ANKRD31: variants seen among roughly 807,000 people sequenced by gnomAD.
ANKRD31 encodes ankyrin repeat domain 31, also known as ankyrin repeat domain-containing protein 31.
ANKRD31 carries 147 observed loss-of-function variants against 186.0 expected under a neutral mutation model. The ratio of observed to expected loss-of-function variants is 0.79; its 90% CI spans 0.69 to 0.91. The LOEUF is 0.91. Ranked by LOEUF, ANKRD31 falls within the 40% of genes least tolerant of loss-of-function variation. The probability of loss-of-function intolerance (pLI) is 0.00; values close to 1 mark genes in which losing one functional copy is unlikely to be tolerated. For synonymous variants in ANKRD31, 673 were observed against 736.4 expected, an observed-to-expected ratio of 0.91 and a Z score of 1.39; for missense variants, 1,986 against 2,148.8, an observed-to-expected ratio of 0.92 and a Z score of 1.50.
intron 22 of ANKRD31, among the ~76,000 whole-genome samples, chr5:75,097,861 C>T (rs1746460159): frequency 6.6e-6 from 1 of 152,148 alleles, no homozygotes; most frequent in African/African-American, 2.4e-5. Context: ...GATCCAGTTT[C>T]AGTTTTCTAT....
chr5:75,083,620 C>T (rs986882077), intron 24 of ANKRD31, among the ~76,000 whole-genome samples: 1 of 151,990 alleles, frequency 6.6e-6, no homozygotes, highest in Non-Finnish European at 1.5e-5. Flanking sequence ...ATCCCAGCTA[C>T]TCGGGAGGCT....
At position 75,115,051 on chromosome 5, in the gene ANKRD31, A is replaced by G. The variant is rs541983681; in HGVS notation, c.4155+1515T>C. Among the ~76,000 whole-genome samples, 723 of 152,218 alleles carry G rather than the reference A, an allele frequency of 4.7e-3. 12 individuals carry two copies. The highest frequency in any genetic ancestry group is 0.017 in the African/African-American group (693 of 41,510). Reference sequence around the variant, plus strand: ...ACCAAAACAGCATGGTATTGGTACCAAAACAGAGATATAGATCAATGGAAC... The same window carrying G: ...ACCAAAACAGCATGGTATTGGTACCGAAACAGAGATATAGATCAATGGAAC... On this transcript the variant is annotated intron_variant, in intron 19 of 25. Transcript: ENST00000506364.
chr5:75,071,762 T>G (rs1041150097), intron 25 of ANKRD31, among the ~76,000 whole-genome samples: 5 of 152,056 alleles, frequency 3.3e-5, no homozygotes, highest in African/African-American at 1.2e-4. Flanking sequence ...CCTCCCAAAG[T>G]GCTCGGATTA....
intron 9 of ANKRD31, among the ~76,000 whole-genome samples, chr5:75,191,496 T>A (rs1303732016): frequency 2.0e-5 from 3 of 152,116 alleles, no homozygotes; most frequent in Non-Finnish European, 4.4e-5. Flanking sequence ...CATATTTACT[T>A]TTCTAGGTGA....
At chr5:75,143,773 T>C (rs1431164704) in intron 15 of ANKRD31, among the ~76,000 whole-genome samples, 1 of 152,152 alleles carries the variant, frequency 6.6e-6, no homozygotes, top group Non-Finnish European at 1.5e-5. Flanking sequence ...TCTCCTCTAA[T>C]ATAATAAACT....
At chr5:75,098,983 G>T (rs1228181877) in intron 22 of ANKRD31, among the ~76,000 whole-genome samples, 3 of 152,212 alleles carry the variant, frequency 2.0e-5, no homozygotes, top group Non-Finnish European at 4.4e-5. Context: ...TAGGAGTGGT[G>T]AGAGAGGGCA....
chr5:75,121,231 G>T (rs939938666), intron 17 of ANKRD31, among the ~76,000 whole-genome samples: 5 of 150,712 alleles, frequency 3.3e-5, no homozygotes, highest in Non-Finnish European at 7.4e-5. Context: ...AATGATAAAG[G>T]GTGATATCAA....
intron 2 of ANKRD31, among the ~76,000 whole-genome samples, chr5:75,227,319 G>C (rs1757690999): frequency 6.6e-6 from 1 of 151,774 alleles, no homozygotes; most frequent in South Asian, 2.1e-4. Context: ...ATGGTTAATG[G>C]GCACAAAAAA....
chr5:75,179,975 T>C (rs1027900835), intron 10 of ANKRD31, among the ~76,000 whole-genome samples: 11 of 152,178 alleles, frequency 7.2e-5, no homozygotes, highest in African/African-American at 2.2e-4. Context: ...ATTGTATATA[T>C]AGAAAACCCC....
Position 75,146,354 on chromosome 5 carries a change from A to G in ANKRD31, c.3057T>C (p.His1019=), listed in dbSNP as rs1027727340. The change falls in exon 14 of 26, where the codon CAT becomes CAC. Residue 1019 remains histidine, a synonymous_variant. Transcript: ENST00000506364. ...SLACMRTLLT[H]EASKLTNHVE... ...CATGATTAGTCAACTTTGAAGCCTCATGTGTCAAAAGTGTTCTCATACAAG... is the reference window on the plus strand; with the variant it reads ...CATGATTAGTCAACTTTGAAGCCTCGTGTGTCAAAAGTGTTCTCATACAAG... The G allele has an allele frequency of 2.6e-6, 4 of 1,536,606 alleles. No individual in the cohort carries two copies. Among genetic ancestry groups the G allele is most frequent in the Middle Eastern group, 1.7e-4 (1 of 5,980 alleles).
chr5:75,195,072 A>C (rs1171287370), intron 7 of ANKRD31, among the ~76,000 whole-genome samples: 7 of 152,204 alleles, frequency 4.6e-5, no homozygotes, highest in Non-Finnish European at 8.8e-5. Context: ...CAGGCATAAT[A>C]CTACAAGAAT....
rs996652249 is a variant in ANKRD31 at position 75,236,792 on chromosome 5, A to G, written c.-106T>C. The G allele has an allele frequency of 3.2e-6, 3 of 930,712 alleles. No homozygotes were observed. Among genetic ancestry groups the G allele is most frequent in the Non-Finnish European group, 4.7e-6 (3 of 639,414 alleles). 57.7% of individuals were successfully genotyped at this position (930,712 alleles called of 1,614,324 possible). On this transcript the variant is annotated 5_prime_UTR_variant, in exon 1 of 26. Transcript: ENST00000506364. The stretch of plus-strand genomic sequence containing the variant: ...GGGAAATTGTGAATTAAAAATAAAA[A>G]TAATATAATCGCAGCAGGAGCCGGG...
At chr5:75,131,880 G>A (rs1287409584) in intron 17 of ANKRD31, among the ~76,000 whole-genome samples, 1 of 152,152 alleles carries the variant, frequency 6.6e-6, no homozygotes, top group Non-Finnish European at 1.5e-5. Context: ...GCCTCCGCTG[G>A]TGATACCCAG....
rs1376742031 is a variant in ANKRD31, at chr5:75,206,445, C to T, written c.369G>A (p.Gln123=). 3.4e-5 allele frequency: 50 copies of T among 1,485,508 alleles called. No homozygotes were observed. Among genetic ancestry groups the T allele is most frequent in the Non-Finnish European group, 4.0e-5 (45 of 1,125,126 alleles). The allele number at this position is 1,485,508 out of a possible 1,614,324, so 92.0% of individuals were successfully genotyped here. Residue 123 remains glutamine (Q), a synonymous_variant, in exon 5 of 26, where the codon CAG becomes CAA. Coordinates refer to ENST00000506364, the MANE Select transcript of ANKRD31 (RefSeq NM_001372053.1). The part of the protein sequence containing the change: ...NCSMFIGSFR[Q]SGLSLNHQNI... Reference sequence around the variant, plus strand: ...TTTGGTGGTTCAATGAAAGTCCAGACTGGCGAAACGACCCAATGAACATTG... The same window carrying T: ...TTTGGTGGTTCAATGAAAGTCCAGATTGGCGAAACGACCCAATGAACATTG...
At chr5:75,109,867 A>C (rs920125483) in intron 20 of ANKRD31, among the ~76,000 whole-genome samples, 1 of 152,174 alleles carries the variant, frequency 6.6e-6, no homozygotes, top group Non-Finnish European at 1.5e-5. Context: ...CTGAGAGGGC[A>C]CAGGGAAAGG....
chr5:75,080,246 T>C (rs1477478717), intron 25 of ANKRD31, among the ~76,000 whole-genome samples: 1 of 152,136 alleles, frequency 6.6e-6, no homozygotes, highest in Non-Finnish European at 1.5e-5. Context: ...TCAAAGTAAA[T>C]CCAGTTTTAA....
At chr5:75,123,576 T>C (rs944060889) in intron 17 of ANKRD31, among the ~76,000 whole-genome samples, 5 of 152,054 alleles carry the variant, frequency 3.3e-5, no homozygotes, top group Admixed American at 6.6e-5. Context: ...AGCATGGTAC[T>C]GGCATAAAAA....
chr5:75,175,225 G>A lies in ANKRD31; in HGVS notation c.1565-6104C>T, dbSNP rs184896383. Among the ~76,000 whole-genome samples, 165 of 152,278 alleles carry A rather than the reference G, an allele frequency of 1.1e-3. 1 individual carries two copies. Among genetic ancestry groups the A allele is most frequent in the African/African-American group, 3.4e-3 (143 of 41,570 alleles). On this transcript the variant is annotated intron_variant, in intron 10 of 25. Coordinates refer to ENST00000506364, the MANE Select transcript of ANKRD31 (RefSeq NM_001372053.1). ...CGGGGAACATCACACACTGAGGCCT[G>A]TCGGGTCGGGCAGTTGCCTGGGGGA...
chr5:75,185,028 A>C (rs1193173481), intron 10 of ANKRD31, among the ~76,000 whole-genome samples: 1 of 152,048 alleles, frequency 6.6e-6, no homozygotes, highest in Non-Finnish European at 1.5e-5. Context: ...CTATTCAGCC[A>C]TAAAAAAAGA....
Sources: allele counts gnomAD v4.1 joint callset (sites outside exome capture counted in the v4.1 genomes callset), GRCh38; gene constraint gnomAD v4.1.1; transcripts MANE v1.5; gene names NCBI Gene and HGNC (gene_info 2026-07-23, HGNC 2026-07-21).